SYNPO: variants seen among roughly 807,000 people sequenced by gnomAD.
SYNPO encodes the protein synaptopodin.
In SYNPO, 19 loss-of-function variants were observed where a neutral mutation model predicts 49.5. The ratio of observed to expected loss-of-function variants is 0.38; its 90% CI spans 0.27 to 0.56. The LOEUF (loss-of-function observed/expected upper bound fraction) is 0.56, where lower values mean the gene tolerates loss of function less well. SYNPO is among the 20% of genes least tolerant of loss of function. SYNPO has a pLI of 0.68. For missense variants in SYNPO, 1,131 were observed against 1,248.3 expected, an observed-to-expected ratio of 0.91 and a Z score of 1.42; for synonymous variants, 536 against 548.0, an observed-to-expected ratio of 0.98 and a Z score of 0.31.
chr5:150,651,128 G>T (rs1758366649), intron 2 of SYNPO: 5 of 1,066,244 alleles, frequency 4.7e-6, no homozygotes, highest in Non-Finnish European at 5.7e-6. Context: ...GAGAAGGAGA[G>T]CCCTGTAGGG....
intron 1 of SYNPO, among the ~76,000 whole-genome samples, chr5:150,645,015 C>T (rs547881393): frequency 5.3e-5 from 8 of 152,268 alleles, no homozygotes; most frequent in African/African-American, 1.4e-4. Context: ...CTGTGGCTGC[C>T]CCAGTGGAGC....
chr5:150,650,032 G>A lies in SYNPO; in HGVS notation c.1757G>A (p.Arg586Lys). The A allele has an allele frequency of 1.2e-6, 2 of 1,612,524 alleles. No homozygotes were observed. Among genetic ancestry groups the A allele is most frequent in the Non-Finnish European group, 1.7e-6 (2 of 1,179,966 alleles). ...PIKEPAKVSP[R>K]AASPAKPSSL... ...AAGGAGCCTGCCAAGGTCTCACCAA[G>A]AGCTGCCTCGCCCGCCAAGCCCAGC... Residue 586 changes from arginine (R) to lysine (K), a missense_variant, in exon 2 of 3, where the codon AGA becomes AAA. Physicochemically the swap from Arg to Lys is conservative, Grantham distance 26. Around this residue, in one of 4 missense-constraint regions of SYNPO, gnomAD observed 509 missense variants for 484.5 expected, o/e 1.05. Coordinates refer to ENST00000307662, the MANE Select transcript of SYNPO (RefSeq NM_007286.6).
At chr5:150,647,858 C>A in intron 1 of SYNPO, 86 bp from the exon 2 acceptor site, 1 of 1,257,116 alleles carries the variant, frequency 8.0e-7, no homozygotes, top group Non-Finnish European at 1.1e-6. Flanking sequence ...AGGGCCGAGG[C>A]GACCATCTCT....
At chr5:150,625,477 C>T (rs1255908760) in intron 2 of SYNPO, among the ~76,000 whole-genome samples, 1 of 152,202 alleles carries the variant, frequency 6.6e-6, no homozygotes. Flanking sequence ...AGCAGTCACA[C>T]CCTGGGGACC....
In SYNPO at chr5:150,648,654, G is replaced by A. The variant is rs1758208839; in HGVS notation, c.379G>A (p.Gly127Ser). The A allele has an allele frequency of 1.9e-6, 3 of 1,614,168 alleles. No homozygotes were observed. Among genetic ancestry groups the A allele is most frequent in the Non-Finnish European group, 2.5e-6 (3 of 1,180,024 alleles). The change falls in exon 2 of 3, where the codon GGC (glycine) becomes AGC (serine). Residue 127 changes from glycine (G) to serine (S), a missense_variant. Gly to Ser is a moderately conservative substitution (Grantham distance 56). Coordinates refer to ENST00000307662, the MANE Select transcript of SYNPO (RefSeq NM_007286.6). This position sits in a 1 kb window ranked among gnomAD's most constrained non-coding sequence, Gnocchi z 5.0. The stretch of plus-strand genomic sequence containing the variant: ...CTCAGAGGCCCAACTCCCATCTAAT[G>A]GCACAGGGCCTGCTTCCAAACCCAG... ...NSSEAQLPSN[G>S]TGPASKPSTL...
chr5:150,621,639 C>T (rs995095740), intron 2 of SYNPO, among the ~76,000 whole-genome samples: 3 of 152,200 alleles, frequency 2.0e-5, no homozygotes, highest in African/African-American at 4.8e-5. Flanking sequence ...TTGTACCTGC[C>T]TCTCTAGAGG....
intron 2 of SYNPO, chr5:150,624,899 C>T: frequency 1.0e-6 from 1 of 985,466 alleles, no homozygotes; most frequent in Non-Finnish European, 1.2e-6. Flanking sequence ...CCGTGCGCAG[C>T]GGCTGGAGGT....
At chr5:150,603,267 C>G (rs1207900638) in intron 1 of SYNPO, among the ~76,000 whole-genome samples, 1 of 152,238 alleles carries the variant, frequency 6.6e-6, no homozygotes, top group Non-Finnish European at 1.5e-5. Context: ...TGGCCTTGGC[C>G]TTTCCTGCCA....
chr5:150,651,604 G>A, intron 2 of SYNPO: 1 of 987,752 alleles, frequency 1.0e-6, no homozygotes, highest in Non-Finnish European at 1.2e-6. Context: ...GGGCTGGGCT[G>A]GGCTGGCTTA....
intron 2 of SYNPO, among the ~76,000 whole-genome samples, chr5:150,625,451 G>A (rs1757324726): frequency 6.6e-6 from 1 of 152,194 alleles, no homozygotes. Flanking sequence ...TGCCGGTGGG[G>A]CACACAGGAT....
intron 1 of SYNPO, among the ~76,000 whole-genome samples, chr5:150,643,030 C>T (rs1757964236): frequency 6.6e-6 from 1 of 152,248 alleles, no homozygotes. Flanking sequence ...AAAGGCCCTT[C>T]ATATTCTGAC....
chr5:150,600,810 T>C (rs995224604), upstream of SYNPO, among the ~76,000 whole-genome samples: 1 of 152,104 alleles, frequency 6.6e-6, no homozygotes, highest in African/African-American at 2.4e-5. Context: ...CGCTGGGGGC[T>C]TTTTCTTCAG....
intron 1 of SYNPO, among the ~76,000 whole-genome samples, chr5:150,643,893 G>A (rs1757996741): frequency 6.6e-6 from 1 of 152,058 alleles, no homozygotes; most frequent in South Asian, 2.1e-4. Context: ...AGCGGATGAT[G>A]GCTGGACGTG....
chr5:150,627,638 A>C (rs1474720322), intron 2 of SYNPO, among the ~76,000 whole-genome samples: 1 of 152,164 alleles, frequency 6.6e-6, no homozygotes, highest in Non-Finnish European at 1.5e-5. Context: ...TAAGATGGAG[A>C]GCAGTTAGGG....
chr5:150,625,930 A>T (rs1757341515), intron 2 of SYNPO, among the ~76,000 whole-genome samples: 1 of 152,102 alleles, frequency 6.6e-6, no homozygotes, highest in African/African-American at 2.4e-5. Flanking sequence ...TTGGAGCAAG[A>T]CCCTTGCTCT....
At chr5:150,593,302 AG>A in the SYNPO span, among the ~76,000 whole-genome samples, 1 of 152,060 alleles carries the variant, frequency 6.6e-6, no homozygotes, top group Admixed American at 6.5e-5. Flanking sequence ...CTCCTTTCTG[AG>A]CTTTTGGATG....
At chr5:150,606,911 C>T (rs9324646) in intron 1 of SYNPO, among the ~76,000 whole-genome samples, 54,039 of 152,104 alleles carry the variant, frequency 0.36, 10,014 homozygotes, top group Middle Eastern at 0.52. Flanking sequence ...CAGTATCTGA[C>T]GCCCTCACAC....
At chr5:150,647,611 C>T (rs967382640) in intron 1 of SYNPO, among the ~76,000 whole-genome samples, 2 of 152,160 alleles carry the variant, frequency 1.3e-5, no homozygotes, top group Non-Finnish European at 2.9e-5. Flanking sequence ...GAACTGGGGA[C>T]ACGGTGGGAC....
At chr5:150,634,886 A>G (rs1757663628) in intron 2 of SYNPO, among the ~76,000 whole-genome samples, 1 of 151,612 alleles carries the variant, frequency 6.6e-6, no homozygotes, top group Non-Finnish European at 1.5e-5. Flanking sequence ...CACAAAGGGG[A>G]CACTCTCCAC....
Sources: allele counts gnomAD v4.1 joint callset (sites outside exome capture counted in the v4.1 genomes callset), GRCh38; gene constraint gnomAD v4.1.1; regional missense constraint gnomAD v4.1.1; non-coding constraint Gnocchi (gnomAD v3.1); transcripts MANE v1.5; gene names NCBI Gene and HGNC (gene_info 2026-07-23, HGNC 2026-07-21).